Variants in PSD3 observed in about 807,000 individuals in gnomAD.
PSD3 encodes pleckstrin and Sec7 domain containing 3.
PSD3 carries 49 observed loss-of-function variants against 105.5 expected under a neutral mutation model. The ratio of observed to expected loss-of-function variants is 0.46; its 90% CI spans 0.37 to 0.59. The LOEUF is 0.59. Ranked by LOEUF, PSD3 falls within the 20% of genes least tolerant of loss-of-function variation. PSD3 has a pLI of 0.00. For missense variants in PSD3, 1,561 were observed against 1,263.8 expected (o/e 1.24, Z -3.57); for synonymous variants, 557 against 457.8 (o/e 1.22, Z -2.77).
intron 1 of PSD3, among the ~76,000 whole-genome samples, chr8:19,046,600 C>T (rs1487353906): frequency 6.6e-6 from 1 of 152,182 alleles, no homozygotes; most frequent in Non-Finnish European, 1.5e-5. Context: ...CCATTTCTTT[C>T]TGCCTTTTGA....
intron 1 of PSD3, among the ~76,000 whole-genome samples, chr8:18,951,360 C>G (rs542915184): frequency 6.6e-6 from 1 of 152,146 alleles, no homozygotes; most frequent in Non-Finnish European, 1.5e-5. Flanking sequence ...TATGATCACA[C>G]CACCGCACTT....
chr8:18,815,061 T>C (rs1812095619), intron 4 of PSD3, among the ~76,000 whole-genome samples: 1 of 152,170 alleles, frequency 6.6e-6, no homozygotes. Context: ...ACAGGTAAAA[T>C]ATACTTATAA....
chr8:18,982,939 T>G (rs187547368), intron 1 of PSD3, among the ~76,000 whole-genome samples: 308 of 152,366 alleles, frequency 2.0e-3, no homozygotes, highest in Middle Eastern at 3.4e-3. Context: ...TTTGAAGCTT[T>G]GAAGCCAGGC....
chr8:18,991,335 A>G (rs1825779273), intron 1 of PSD3, among the ~76,000 whole-genome samples: 1 of 144,192 alleles, frequency 6.9e-6, no homozygotes, highest in South Asian at 2.3e-4. Context: ...TGGGCAACAG[A>G]AAACACACAC....
chr8:18,591,738 AGTG>A (rs1241822482), intron 12 of PSD3, among the ~76,000 whole-genome samples: 1 of 152,108 alleles, frequency 6.6e-6, no homozygotes, highest in African/African-American at 2.4e-5. Flanking sequence ...TATCTGAGGG[AGTG>A]GTATCTGACT....
intron 8 of PSD3, among the ~76,000 whole-genome samples, chr8:18,783,148 C>T (rs1404033768): frequency 1.3e-5 from 2 of 152,164 alleles, no homozygotes; most frequent in African/African-American, 4.8e-5. Flanking sequence ...AGGAAGTTTT[C>T]TGATTACTAA....
At chr8:18,624,383 T>G (rs1191405909) in intron 11 of PSD3, among the ~76,000 whole-genome samples, 2 of 151,978 alleles carry the variant, frequency 1.3e-5, no homozygotes, top group African/African-American at 4.8e-5. Context: ...GTATTGATCA[T>G]CTCAGTTTCA....
intron 11 of PSD3, among the ~76,000 whole-genome samples, chr8:18,628,198 C>T (rs189754468): frequency 1.0e-3 from 155 of 151,608 alleles, no homozygotes; most frequent in African/African-American, 3.7e-3. Context: ...GAAATAATGG[C>T]TGAAAAAAAC....
At chr8:18,800,066 A>C (rs866290288) in intron 7 of PSD3, among the ~76,000 whole-genome samples, 6 of 152,218 alleles carry the variant, frequency 3.9e-5, no homozygotes, top group Admixed American at 1.3e-4. Flanking sequence ...TTCTAGTACC[A>C]CTTTATTATC....
At chr8:18,624,799 T>C (rs66722011) in intron 11 of PSD3, among the ~76,000 whole-genome samples, 10,496 of 152,172 alleles carry the variant, frequency 0.069, 495 homozygotes, top group African/African-American at 0.14. Context: ...CTGTGAATTA[T>C]CTTTCATTTT....
At chr8:18,802,115 G>A (rs1020392242) in intron 6 of PSD3, among the ~76,000 whole-genome samples, 9 of 152,134 alleles carry the variant, frequency 5.9e-5, no homozygotes, top group Non-Finnish European at 1.3e-4. Flanking sequence ...GTGCACAGGA[G>A]ATTTCTGTTA....
At chr8:18,793,702 A>G (rs968413175) in intron 8 of PSD3, among the ~76,000 whole-genome samples, 1 of 152,214 alleles carries the variant, frequency 6.6e-6, no homozygotes, top group Non-Finnish European at 1.5e-5. Flanking sequence ...AGATGGCATC[A>G]CCTTTCAAGG....
At chr8:18,717,150 T>C (rs1331161629) in intron 9 of PSD3, among the ~76,000 whole-genome samples, 1 of 152,166 alleles carries the variant, frequency 6.6e-6, no homozygotes, top group Non-Finnish European at 1.5e-5. Context: ...CCGTCTCCAA[T>C]ATGCAACCTA....
intron 4 of PSD3, among the ~76,000 whole-genome samples, chr8:18,827,353 G>C (rs763557329): frequency 2.2e-4 from 33 of 152,312 alleles, no homozygotes; most frequent in Middle Eastern, 6.8e-3. Context: ...AGAAGACAGA[G>C]ACGTGTAAGA....
intron 12 of PSD3, among the ~76,000 whole-genome samples, chr8:18,599,172 C>T (rs1338486007): frequency 6.6e-6 from 1 of 152,116 alleles, no homozygotes; most frequent in African/African-American, 2.4e-5. Context: ...TACCAAGCTA[C>T]AACATCAAAT....
intron 8 of PSD3, among the ~76,000 whole-genome samples, chr8:18,769,335 C>G (rs976354692): frequency 6.6e-6 from 1 of 152,092 alleles, no homozygotes; most frequent in Non-Finnish European, 1.5e-5. Flanking sequence ...GTAACATTAT[C>G]TGCTTTAAAT....
intron 9 of PSD3, among the ~76,000 whole-genome samples, chr8:18,750,065 G>GT (rs1805346610): frequency 6.6e-6 from 1 of 152,296 alleles, no homozygotes; most frequent in South Asian, 2.1e-4. Flanking sequence ...AATCTGTGTT[G>GT]TTTCAAGCCA....
At chr8:18,774,851 T>G in intron 8 of PSD3, 1 of 456,012 alleles carries the variant, frequency 2.2e-6, no homozygotes, top group Non-Finnish European at 4.4e-6. Context: ...TACCTTCAGG[T>G]TGTCCAGCTG....
intron 1 of PSD3, among the ~76,000 whole-genome samples, chr8:19,024,264 G>A (rs577148566): frequency 3.1e-4 from 47 of 152,050 alleles, no homozygotes; most frequent in Non-Finnish European, 5.7e-4. Flanking sequence ...GTTATTTCAC[G>A]TATAACCTGT....
Sources: allele counts gnomAD v4.1 joint callset (sites outside exome capture counted in the v4.1 genomes callset), GRCh38; gene constraint gnomAD v4.1.1; transcripts MANE v1.5; gene names NCBI Gene and HGNC (gene_info 2026-07-23, HGNC 2026-07-21).